The following C11orf65 variants were observed in gnomAD, a reference collection of about 807,000 sequenced individuals.
C11orf65 encodes chromosome 11 open reading frame 65, also known as protein MFI.
C11orf65 carries 38 observed loss-of-function variants against 35.3 expected under a neutral mutation model. The observed-to-expected ratio is 1.08, with a 90% CI of 0.83 to 1.41. The LOEUF (loss-of-function observed/expected upper bound fraction) is 1.41, where lower values mean the gene tolerates loss of function less well. Ranked by LOEUF, C11orf65 falls within the 40% of genes most tolerant of loss-of-function variation. The pLI is 0.00. For synonymous variants in C11orf65, 105 were observed against 114.4 expected (o/e 0.92, Z 0.53); for missense variants, 370 against 367.1 (o/e 1.01, Z -0.06).
chr11:108,434,992 G>C (rs1468643226), intron 2 of C11orf65, among the ~76,000 whole-genome samples: 2 of 152,148 alleles, frequency 1.3e-5, no homozygotes, highest in Non-Finnish European at 2.9e-5. Context: ...TTGCAATTTA[G>C]AATTCAGTGA....
downstream of C11orf65, among the ~76,000 whole-genome samples, chr11:108,328,436 C>T (rs1357443118): frequency 4.6e-5 from 7 of 151,882 alleles, no homozygotes; most frequent in South Asian, 2.1e-4. Context: ...TTAGTAGAGA[C>T]GGTTTCGCCA....
chr11:108,343,139 G>A (rs941397950), intron 2 of C11orf65: 1 of 1,546,928 alleles, frequency 6.5e-7, no homozygotes, highest in Admixed American at 1.7e-5. Context: ...AAAATGCTTT[G>A]CACTGACTCT....
chr11:108,353,695 T>G, intron 2 of C11orf65: 1 of 1,266,270 alleles, frequency 7.9e-7, no homozygotes, highest in Non-Finnish European at 1.2e-6. Flanking sequence ...CTTTGTAAAG[T>G]TCACATTCTA....
At chr11:108,345,638 C>G in intron 2 of C11orf65, 1 of 922,812 alleles carries the variant, frequency 1.1e-6, no homozygotes. Flanking sequence ...GTATCCTGTT[C>G]ATCTTTATTG....
intron 6 of C11orf65, chr11:108,319,863 T>A: frequency 3.4e-6 from 3 of 894,700 alleles, no homozygotes; most frequent in South Asian, 3.0e-5. Flanking sequence ...AATGTTAATT[T>A]AAAAATTTTG....
At chr11:108,443,762 T>C (rs1293878233) in intron 2 of C11orf65, among the ~76,000 whole-genome samples, 1 of 152,140 alleles carries the variant, frequency 6.6e-6, no homozygotes, top group Non-Finnish European at 1.5e-5. Flanking sequence ...AGATGTTCTT[T>C]GAAACCAACC....
intron 2 of C11orf65, among the ~76,000 whole-genome samples, chr11:108,438,354 C>T (rs2093097145): frequency 6.6e-6 from 1 of 151,702 alleles, no homozygotes; most frequent in Admixed American, 6.6e-5. Context: ...GAGTTTGAGA[C>T]CAGCCTGGCC....
intron 1 of C11orf65, among the ~76,000 whole-genome samples, chr11:108,464,367 G>A (rs1257380705): frequency 6.6e-6 from 1 of 152,034 alleles, no homozygotes; most frequent in African/African-American, 2.4e-5. Flanking sequence ...AGCGATTTTG[G>A]TGCACTGCAA....
intron 2 of C11orf65, among the ~76,000 whole-genome samples, chr11:108,362,412 T>C (rs1467594561): frequency 2.6e-5 from 4 of 151,676 alleles, no homozygotes; most frequent in South Asian, 2.1e-4. Context: ...GGATCTAGAA[T>C]TAGAAATACC....
At chr11:108,372,386 G>A (rs1046841221) in intron 2 of C11orf65, among the ~76,000 whole-genome samples, 1 of 152,154 alleles carries the variant, frequency 6.6e-6, no homozygotes, top group African/African-American at 2.4e-5. Flanking sequence ...TAGAGACAGG[G>A]TTTCACCATG....
intron 2 of C11orf65, among the ~76,000 whole-genome samples, chr11:108,363,889 T>G (rs1263451262): frequency 6.6e-6 from 1 of 152,196 alleles, no homozygotes; most frequent in Non-Finnish European, 1.5e-5. Context: ...ATTAGAGGCC[T>G]TCATTCCTTT....
At chr11:108,331,339 C>T, downstream of C11orf65, 1 of 1,479,986 alleles carries the variant, frequency 6.8e-7, no homozygotes, top group Non-Finnish European at 9.0e-7. Context: ...TTGTTAACCA[C>T]TTGTGCTAAT....
At chr11:108,340,627 T>C (rs1414112802) in intron 2 of C11orf65, among the ~76,000 whole-genome samples, 1 of 152,228 alleles carries the variant, frequency 6.6e-6, no homozygotes, top group Non-Finnish European at 1.5e-5. Flanking sequence ...AGTTTACTTC[T>C]GCTCTTGGTT....
chr11:108,448,550 T>C (rs1477526383), intron 2 of C11orf65, among the ~76,000 whole-genome samples: 9 of 152,174 alleles, frequency 5.9e-5, no homozygotes, highest in Non-Finnish European at 8.8e-5. Flanking sequence ...ATTATCTCAA[T>C]AGATTCAGAA....
chr11:108,405,376 G>T (rs923910634), intron 6 of C11orf65, 53 bp downstream of exon 6: 12 of 1,578,892 alleles, frequency 7.6e-6, no homozygotes, highest in Middle Eastern at 1.7e-4. Flanking sequence ...TTTCAAATTT[G>T]TTTTTTTCCC....
chr11:108,317,671 ACACT>A (rs1451760035), intron 6 of C11orf65: 2 of 228,500 alleles, frequency 8.8e-6, no homozygotes, highest in African/African-American at 5.1e-5. Flanking sequence ...ACACACACAC[ACACT>A]ATATATATAT....
intron 2 of C11orf65, among the ~76,000 whole-genome samples, chr11:108,455,411 T>C (rs1457861049): frequency 6.6e-6 from 1 of 152,150 alleles, no homozygotes; most frequent in Non-Finnish European, 1.5e-5. Context: ...AAACTCAACA[T>C]ACAAAAATCA....
intron 2 of C11orf65, among the ~76,000 whole-genome samples, chr11:108,452,629 A>G (rs1395188234): frequency 1.3e-5 from 2 of 152,234 alleles, no homozygotes; most frequent in Non-Finnish European, 1.5e-5. Context: ...ATACCATTTG[A>G]GCCAGCCATC....
chr11:108,437,115 G>GGT (rs1440884167), intron 2 of C11orf65, among the ~76,000 whole-genome samples: 1 of 149,206 alleles, frequency 6.7e-6, no homozygotes, highest in Non-Finnish European at 1.5e-5. Flanking sequence ...AAAAAAGGGG[G>GGT]GGGGTGGACA....
Sources: allele counts gnomAD v4.1 joint callset (sites outside exome capture counted in the v4.1 genomes callset), GRCh38; gene constraint gnomAD v4.1.1; transcripts MANE v1.5; gene names NCBI Gene and HGNC (gene_info 2026-07-23, HGNC 2026-07-21).